Variants in CACNA1C observed in about 807,000 individuals in gnomAD.
CACNA1C encodes calcium voltage-gated channel subunit alpha1 C.
Under a neutral mutation model 229.0 loss-of-function variants are expected in CACNA1C, and 30 were observed. The ratio of observed to expected loss-of-function variants is 0.13; its 90% CI spans 0.10 to 0.18. CACNA1C has a LOEUF of 0.18. Among genes scored for constraint, CACNA1C ranks in the 10% least tolerant of loss-of-function variants. The pLI is 1.00. For synonymous variants in CACNA1C, 1,114 were observed against 1,132.5 expected, an observed-to-expected ratio of 0.98 and a Z score of 0.33; for missense variants, 1,658 against 2,845.0, an observed-to-expected ratio of 0.58 and a Z score of 9.49.
At chr12:2,074,934 G>A (rs190267346) in intron 1 of CACNA1C, among the ~76,000 whole-genome samples, 1 of 152,262 alleles carries the variant, frequency 6.6e-6, no homozygotes, top group East Asian at 1.9e-4. Flanking sequence ...CTTTCAACCT[G>A]CCAACACCCA....
intron 9 of CACNA1C, among the ~76,000 whole-genome samples, chr12:2,540,638 C>A (rs902131889): frequency 1.3e-5 from 2 of 152,168 alleles, no homozygotes; most frequent in African/African-American, 4.8e-5. Flanking sequence ...AAAGACAGGG[C>A]AGGCTGCAGT....
intron 3 of CACNA1C, among the ~76,000 whole-genome samples, chr12:2,363,623 T>C (rs1157000446): frequency 2.6e-5 from 4 of 151,132 alleles, no homozygotes; most frequent in African/African-American, 7.3e-5. Flanking sequence ...TCCTGCTTCC[T>C]GTTTTCTAGA....
At chr12:2,478,795 TCTC>T (rs1174766971) in intron 5 of CACNA1C, among the ~76,000 whole-genome samples, 3 of 152,180 alleles carry the variant, frequency 2.0e-5, no homozygotes, top group Non-Finnish European at 4.4e-5. Context: ...ACCACTGCAC[TCTC>T]CTCCTTCTCC....
intron 3 of CACNA1C, among the ~76,000 whole-genome samples, chr12:2,169,260 T>C (rs147178695): frequency 5.1e-4 from 77 of 152,344 alleles, no homozygotes; most frequent in African/African-American, 1.7e-3. Flanking sequence ...TACCCAGGAT[T>C]GCACGGCTTT....
At chr12:2,546,502 TGC>T (rs1168612026) in intron 9 of CACNA1C, among the ~76,000 whole-genome samples, 1 of 152,248 alleles carries the variant, frequency 6.6e-6, no homozygotes, top group Admixed American at 6.5e-5. Context: ...CACTTTTCTG[TGC>T]AGTGGCTGGT....
At chr12:2,356,130 C>T (rs1433810122) in intron 3 of CACNA1C, among the ~76,000 whole-genome samples, 1 of 152,232 alleles carries the variant, frequency 6.6e-6, no homozygotes, top group African/African-American at 2.4e-5. Flanking sequence ...CACCAATTAC[C>T]TGGTGCAGTA....
intron 5 of CACNA1C, among the ~76,000 whole-genome samples, chr12:2,459,822 A>T (rs1424714650): frequency 6.6e-6 from 1 of 152,204 alleles, no homozygotes; most frequent in African/African-American, 2.4e-5. Flanking sequence ...AGCGAAATGG[A>T]CACAATGACC....
chr12:2,427,306 G>A (rs2099041699), intron 3 of CACNA1C, among the ~76,000 whole-genome samples: 1 of 152,176 alleles, frequency 6.6e-6, no homozygotes, highest in Non-Finnish European at 1.5e-5. Context: ...CTTTATTCTA[G>A]TATTGCTTCT....
chr12:2,638,927 C>A (rs909037889), intron 30 of CACNA1C, among the ~76,000 whole-genome samples: 26 of 152,178 alleles, frequency 1.7e-4, no homozygotes, highest in Admixed American at 6.5e-5. Flanking sequence ...GAGTCATTCA[C>A]AACAAGATGG....
intron 3 of CACNA1C, among the ~76,000 whole-genome samples, chr12:2,166,349 C>T (rs1413593795): frequency 1.3e-5 from 2 of 152,226 alleles, no homozygotes; most frequent in African/African-American, 4.8e-5. Context: ...AGATAATGGG[C>T]AAGCAGCATG....
chr12:2,303,543 T>C (rs913510696), intron 3 of CACNA1C, among the ~76,000 whole-genome samples: 10 of 151,872 alleles, frequency 6.6e-5, no homozygotes, highest in Admixed American at 1.3e-4. Context: ...GATGGGAGGA[T>C]CACTTGAGAC....
At chr12:2,033,996 A>G (rs2048669248) in intron 1 of CACNA1C, among the ~76,000 whole-genome samples, 1 of 152,216 alleles carries the variant, frequency 6.6e-6, no homozygotes, top group South Asian at 2.1e-4. Context: ...AGAAGCAAAG[A>G]TTCGTAGAGA....
chr12:2,679,310 G>C lies in CACNA1C; in HGVS notation c.5092-134G>C, dbSNP rs2096998399. On this transcript the variant is annotated intron_variant, in intron 41 of 46. Coordinates refer to ENST00000399655, the MANE Select transcript of CACNA1C (RefSeq NM_000719.7). This position sits in a 1 kb window ranked among gnomAD's most constrained non-coding sequence, Gnocchi z 5.5. ...CCTCAGGTGCTCCTGGCTCCCAGCA[G>C]GGCTGTGCCTACCCGAAAGAAGGCA... 10 of 643,728 alleles carry C rather than the reference G, an allele frequency of 1.6e-5. No homozygotes were observed. In the South Asian group the frequency reaches 2.1e-4, roughly 14 times the overall value. The allele number at this position is 643,728 out of a possible 1,614,324, so 39.9% of individuals were successfully genotyped here. A position where few individuals can be genotyped will look rare whatever the true frequency, so the allele number is the denominator to read the frequency against.
chr12:2,098,730 A>G (rs1275975071), intron 1 of CACNA1C, among the ~76,000 whole-genome samples: 1 of 152,250 alleles, frequency 6.6e-6, no homozygotes, highest in African/African-American at 2.4e-5. Flanking sequence ...TTAAAAACCC[A>G]GCTTTCATGT....
chr12:2,417,597 A>G (rs779291865), intron 3 of CACNA1C, among the ~76,000 whole-genome samples: 8 of 152,156 alleles, frequency 5.3e-5, no homozygotes, highest in Admixed American at 6.5e-5. Context: ...ACTGGCTGCA[A>G]GGTGGTCCAG....
intron 20 of CACNA1C, among the ~76,000 whole-genome samples, chr12:2,596,456 G>T (rs2068228836): frequency 1.3e-5 from 2 of 152,182 alleles, no homozygotes; most frequent in Non-Finnish European, 2.9e-5. Context: ...CCCACCCAAG[G>T]CTCTGGTGAA....
intron 3 of CACNA1C, among the ~76,000 whole-genome samples, chr12:2,331,026 GTACT>G (rs768930731): frequency 9.2e-5 from 14 of 152,146 alleles, no homozygotes; most frequent in African/African-American, 3.1e-4. Flanking sequence ...ATTTGGGAAA[GTACT>G]TACCACGAAT....
intron 8 of CACNA1C, among the ~76,000 whole-genome samples, chr12:2,508,751 A>G (rs187738008): frequency 5.3e-5 from 8 of 152,318 alleles, no homozygotes; most frequent in Admixed American, 1.3e-4. Context: ...CATCCAGAAC[A>G]CCTATTTCTG....
chr12:2,100,717 C>T (rs2076069045), intron 1 of CACNA1C, among the ~76,000 whole-genome samples: 1 of 151,456 alleles, frequency 6.6e-6, no homozygotes, highest in Admixed American at 6.6e-5. Context: ...GTGATCACGG[C>T]ACTGCATTCC....
Sources: allele counts gnomAD v4.1 joint callset (sites outside exome capture counted in the v4.1 genomes callset), GRCh38; gene constraint gnomAD v4.1.1; non-coding constraint Gnocchi (gnomAD v3.1); transcripts MANE v1.5; gene names NCBI Gene and HGNC (gene_info 2026-07-23, HGNC 2026-07-21).